Variants in LAMC3 observed in about 807,000 individuals in gnomAD.
The protein encoded by LAMC3 is laminin subunit gamma 3, also known as laminin subunit gamma-3.
LAMC3 carries 128 observed loss-of-function variants against 173.8 expected under a neutral mutation model. The observed-to-expected ratio is 0.74, with a 90% CI of 0.64 to 0.85. The LOEUF is 0.85. Ranked by LOEUF, LAMC3 falls within the 40% of genes least tolerant of loss-of-function variation. The pLI, the probability that LAMC3 is intolerant of heterozygous loss-of-function variation, is 0.00. For synonymous variants in LAMC3, 897 were observed against 909.1 expected, an observed-to-expected ratio of 0.99 and a Z score of 0.24; for missense variants, 2,022 against 2,156.0, an observed-to-expected ratio of 0.94 and a Z score of 1.23.
At chr9:131,071,650 G>A (rs1323079196) in intron 18 of LAMC3, 25 bp downstream of exon 18, 2 of 1,528,942 alleles carry the variant, frequency 1.3e-6, no homozygotes, top group East Asian at 2.3e-5. Flanking sequence ...CAGAGCGGGA[G>A]GGTGGGAGGC....
chr9:131,086,298 G>A (rs555608349), intron 25 of LAMC3, among the ~76,000 whole-genome samples: 30 of 152,004 alleles, frequency 2.0e-4, no homozygotes, highest in African/African-American at 7.2e-4. Flanking sequence ...GGCTGGTCTC[G>A]AACTTCTGAT....
chr9:131,036,224 T>G lies in LAMC3; in HGVS notation c.868T>G (p.Cys290Gly). The G allele has an allele frequency of 6.2e-7, 1 of 1,613,054 alleles. No individual in the cohort carries two copies. Among genetic ancestry groups the G allele is most frequent in the Non-Finnish European group, 8.5e-7 (1 of 1,179,812 alleles). ...CCCCGACGTGGCAGGCCAGTTGGCC[T>G]GCCGGTGCCAGCACAACACCACCGG... is the stretch of plus-strand genomic sequence containing the variant. Reference protein sequence around the residue: ...CGPDVAGQLACRCQHNTTGTD... With the variant: ...CGPDVAGQLAGRCQHNTTGTD... The change falls in exon 4 of 28, where the codon TGC (cysteine) becomes GGC (glycine). Residue 290 changes from cysteine (C) to glycine (G), a missense_variant. Coordinates refer to ENST00000361069, the MANE Select transcript of LAMC3 (RefSeq NM_006059.4).
intron 20 of LAMC3, 26 bp downstream of exon 20, chr9:131,073,347 A>T: frequency 1.9e-6 from 3 of 1,574,802 alleles, no homozygotes; most frequent in Middle Eastern, 1.7e-4. Context: ...TGGTGAGCTT[A>T]CACCTGGCCC....
At chr9:131,045,799 G>T in intron 8 of LAMC3, 139 bp downstream of exon 8, 1 of 1,106,738 alleles carries the variant, frequency 9.0e-7, no homozygotes, top group East Asian at 2.5e-5. Context: ...AGGTGGGGTC[G>T]GGGGTGAGAT....
intron 27 of LAMC3, among the ~76,000 whole-genome samples, chr9:131,091,301 A>T (rs539576112): frequency 6.6e-6 from 1 of 152,376 alleles, no homozygotes; most frequent in African/African-American, 2.4e-5. Context: ...ATCAACAAAA[A>T]TGACATTTGT....
intron 3 of LAMC3, among the ~76,000 whole-genome samples, chr9:131,032,518 CTT>C (rs946746431): frequency 1.3e-5 from 2 of 149,288 alleles, no homozygotes; most frequent in Admixed American, 6.6e-5. Flanking sequence ...CTCTCTCTCT[CTT>C]GCTCTCTCTC....
chr9:131,057,187 T>C (rs1564379429), intron 12 of LAMC3, 40 bp downstream of exon 12: 1 of 1,557,500 alleles, frequency 6.4e-7, no homozygotes, highest in East Asian at 2.2e-5. Flanking sequence ...ACCTGGGTTA[T>C]ACCCAAAACA....
intron 13 of LAMC3, among the ~76,000 whole-genome samples, chr9:131,062,322 C>G (rs6597672): frequency 0.67 from 101,728 of 151,876 alleles, 34,302 homozygotes; most frequent in Non-Finnish European, 0.7. Context: ...GATCGCGCCA[C>G]TGCACTCCAG....
At chr9:131,076,561 C>A (rs960773179) in intron 21 of LAMC3, among the ~76,000 whole-genome samples, 1 of 152,162 alleles carries the variant, frequency 6.6e-6, no homozygotes, top group Non-Finnish European at 1.5e-5. Context: ...AGGGGCAGAG[C>A]GATGGCTCTC....
At chr9:131,033,793 GAA>G (rs1472683718) in intron 3 of LAMC3, among the ~76,000 whole-genome samples, 3 of 152,108 alleles carry the variant, frequency 2.0e-5, no homozygotes, top group Admixed American at 6.6e-5. Context: ...CTCTGTGTGT[GAA>G]CCATGGGCCA....
Position 131,010,152 on chromosome 9 carries a change from CAAAAAAAAAA to C in LAMC3, c.373+582_373+591del, listed in dbSNP as rs35239233. ...CTGGGCAACAGAGCTAACTCCGTCTCAAAAAAAAAAAAAAAAAAAAAAAAAAGCTGGGCGT... is the reference window on the plus strand; with the variant it reads ...CTGGGCAACAGAGCTAACTCCGTCTCAAAAAAAAAAAAAAAAGCTGGGCGT... On this transcript the variant is annotated intron_variant, in intron 1 of 27. Coordinates refer to ENST00000361069, the MANE Select transcript of LAMC3 (RefSeq NM_006059.4). Among the ~76,000 whole-genome samples, 315 of 39,596 alleles carry C rather than the reference CAAAAAAAAAA, an allele frequency of 8.0e-3. 3 individuals are homozygous for C. The highest frequency in any genetic ancestry group is 0.014 in the Non-Finnish European group (244 of 16,842). The allele number at this position is 39,596 out of a possible 152,430, so 26.0% of individuals were successfully genotyped here. A position where few individuals can be genotyped will look rare whatever the true frequency, so the allele number is the denominator to read the frequency against.
chr9:131,077,322 C>G lies in LAMC3; in HGVS notation c.3765C>G (p.Ser1255=), dbSNP rs148370295. The G allele has an allele frequency of 2.4e-5, 39 of 1,613,748 alleles. No individual in the cohort carries two copies. Among genetic ancestry groups the G allele is most frequent in the African/African-American group, 2.0e-4 (15 of 74,920 alleles). The change falls in exon 22 of 28, where the codon TCC becomes TCG. Residue 1255 remains serine, a synonymous_variant. Transcript: ENST00000361069. ...DTAPYLALLA[S]PGALPQKSRA... Reference sequence around the variant, plus strand: ...CCCCGTACCTGGCCTTGCTGGCTTCCCCGGGAGCTCTGGTCAGCTCAGTTG... The same window carrying G: ...CCCCGTACCTGGCCTTGCTGGCTTCGCCGGGAGCTCTGGTCAGCTCAGTTG...
chr9:131,075,998 G>C, intron 21 of LAMC3, 33 bp downstream of exon 21: 6 of 1,575,706 alleles, frequency 3.8e-6, no homozygotes, highest in Non-Finnish European at 5.2e-6. Context: ...TAGAAACTTT[G>C]GGGTTGGCCT....
intron 13 of LAMC3, among the ~76,000 whole-genome samples, chr9:131,064,778 GT>G (rs1317790129): frequency 6.6e-6 from 1 of 152,164 alleles, no homozygotes; most frequent in Non-Finnish European, 1.5e-5. Context: ...GCTTACACCT[GT>G]AATCCCAGCA....
chr9:131,076,043 G>T (rs906005511), intron 21 of LAMC3, 78 bp downstream of exon 21: 15 of 1,405,862 alleles, frequency 1.1e-5, no homozygotes, highest in Non-Finnish European at 1.3e-5. Flanking sequence ...AAGGCTGCTG[G>T]TTCCAGAGCC....
Position 131,067,122 on chromosome 9 carries a change from A to C in LAMC3, c.2510A>C (p.Asn837Thr). ...LSGHCLRCLH[N>T]TTGDHCEHCQ... ...GGCCACTGCCTGCGCTGCCTGCACA[A>C]CACCACGGGTGACCACTGTGAGCAC... The change falls in exon 14 of 28, where the codon AAC becomes ACC. Residue 837 changes from asparagine (N) to threonine (T), a missense_variant. Transcript: ENST00000361069. The C allele has an allele frequency of 1.2e-6, 2 of 1,614,146 alleles. No individual in the cohort carries two copies. Among genetic ancestry groups the C allele is most frequent in the Non-Finnish European group, 1.7e-6 (2 of 1,180,004 alleles).
chr9:131,076,355 T>G (rs1289564060), intron 21 of LAMC3, among the ~76,000 whole-genome samples: 7 of 152,064 alleles, frequency 4.6e-5, no homozygotes. Flanking sequence ...GACAGACGGC[T>G]CTGCTTTTCT....
rs77085989 is a variant in LAMC3, at chr9:131,055,924, G to A, written c.1940-1005G>A. ...TAACACTTAGAACTTTAGGCTGGGC[G>A]TGGTGGCTCAAGCCTGTAATTCCAG... On this transcript the variant is annotated intron_variant, in intron 11 of 27. Transcript: ENST00000361069. Among the ~76,000 whole-genome samples, 1,130 of 152,164 alleles carry A rather than the reference G, an allele frequency of 7.4e-3. 17 individuals are homozygous for A. Among genetic ancestry groups the A allele is most frequent in the African/African-American group, 0.026 (1,084 of 41,504 alleles).
At position 131,072,522 on chromosome 9, in the gene LAMC3, C is replaced by T. The variant is rs150017188; in HGVS notation, c.3212-108C>T. 479 of 891,318 alleles carry T rather than the reference C, an allele frequency of 5.4e-4. 3 individuals carry two copies. The African/African-American group carries it at 6.9e-3, about 13-fold the overall frequency. The allele number at this position is 891,318 out of a possible 1,614,324, so 55.2% of individuals were successfully genotyped here. On this transcript the variant is annotated intron_variant, in intron 18 of 27. Coordinates refer to ENST00000361069, the MANE Select transcript of LAMC3 (RefSeq NM_006059.4). The stretch of plus-strand genomic sequence containing the variant: ...TGGGACTACCTGTTGGTGCTCAGGG[C>T]TGCTGATGCCTGGGGAATGGAGGCC...
Sources: allele counts gnomAD v4.1 joint callset (sites outside exome capture counted in the v4.1 genomes callset), GRCh38; gene constraint gnomAD v4.1.1; transcripts MANE v1.5; gene names NCBI Gene and HGNC (gene_info 2026-07-23, HGNC 2026-07-21).